DMD: variants seen among roughly 807,000 people sequenced by gnomAD.
The protein encoded by DMD is dystrophin.
In DMD, 63 loss-of-function variants were observed where a neutral mutation model predicts 330.1. The ratio of observed to expected loss-of-function variants is 0.19; its 90% confidence interval spans 0.16 to 0.24. DMD has a LOEUF of 0.24. Ranked by LOEUF, DMD falls within the 10% of genes least tolerant of loss-of-function variation. The pLI, the probability that DMD is intolerant of heterozygous loss-of-function variation, is 1.00. For synonymous variants in DMD, 1,223 were observed against 959.8 expected (o/e 1.27, Z -5.07); for missense variants, 3,344 against 2,684.1 (o/e 1.25, Z -5.43).
chrX:32,993,375 G>A (rs909164039), intron 2 of DMD, among the ~76,000 whole-genome samples: 3 of 110,608 alleles, frequency 2.7e-5, no homozygotes, highest in African/African-American at 9.8e-5. Context: ...AGGCTGAGGC[G>A]GGCGGACTGC....
At chrX:33,210,846 T>C (rs1261259666) in intron 1 of DMD, among the ~76,000 whole-genome samples, 1 of 111,740 alleles carries the variant, frequency 8.9e-6, no homozygotes, top group African/African-American at 3.2e-5. Context: ...TCCATGTAGT[T>C]CCTATACAGT....
At chrX:31,744,305 C>T (rs1014342169) in intron 51 of DMD, among the ~76,000 whole-genome samples, 6 of 111,327 alleles carry the variant, frequency 5.4e-5, no homozygotes, top group African/African-American at 1.3e-4. Context: ...ATTACCAAAA[C>T]GTGACACAGA....
intron 42 of DMD, among the ~76,000 whole-genome samples, chrX:32,301,423 G>T (rs904007611): frequency 2.7e-5 from 3 of 109,329 alleles, no homozygotes; most frequent in Non-Finnish European, 3.8e-5. Context: ...ACAACAGAAA[G>T]TTCTTGTTTT....
rs895167746 is a variant in DMD at position 32,381,226 on chromosome X, G to A, written c.4675-546C>T. ...CTCACATCTGCTCAAAAACAATACA[G>A]TGAATAGGTCACTTCCTCCTTAAAC... On this transcript the variant is annotated intron_variant, in intron 33 of 78. Transcript: ENST00000357033. 3.6e-5 allele frequency among the ~76,000 whole-genome samples: 4 copies of A among 111,499 alleles called. No homozygotes were observed. The East Asian group carries it at 1.1e-3, about 31-fold the overall frequency.
chrX:31,724,606 G>C (rs894237255), intron 52 of DMD, among the ~76,000 whole-genome samples: 1 of 111,545 alleles, frequency 9.0e-6, no homozygotes. Context: ...TTGGAATTCT[G>C]TTTCAGAAGT....
At chrX:32,660,414 G>C (rs1046646285) in intron 9 of DMD, among the ~76,000 whole-genome samples, 2 of 111,160 alleles carry the variant, frequency 1.8e-5, no homozygotes, top group Admixed American at 9.6e-5. Flanking sequence ...GGTGAACATA[G>C]AAAGTAAACG....
intron 55 of DMD, among the ~76,000 whole-genome samples, chrX:31,580,190 G>A (rs1450653979): frequency 1.8e-5 from 2 of 112,277 alleles, no homozygotes; most frequent in African/African-American, 3.2e-5. Context: ...CATATTCACA[G>A]GTTCTGGGGA....
At chrX:32,278,741 A>G (rs1227539337) in intron 43 of DMD, among the ~76,000 whole-genome samples, 1 of 112,232 alleles carries the variant, frequency 8.9e-6, no homozygotes, top group Admixed American at 9.5e-5. Context: ...GAAACTCTCC[A>G]GGATATCTGT....
At chrX:32,637,497 G>A (rs974095194) in intron 11 of DMD, among the ~76,000 whole-genome samples, 10 of 111,652 alleles carry the variant, frequency 9.0e-5, no homozygotes, top group East Asian at 2.8e-4. Flanking sequence ...TCACTTCCAC[G>A]TGTTCGGGTA....
At chrX:33,316,510 G>A (rs1473559119) in intron 1 of DMD, among the ~76,000 whole-genome samples, 2 of 111,356 alleles carry the variant, frequency 1.8e-5, no homozygotes, top group Non-Finnish European at 3.8e-5. Flanking sequence ...AAAGTATGAG[G>A]TGTTCAGGTC....
intron 60 of DMD, among the ~76,000 whole-genome samples, chrX:31,410,944 T>TTC (rs1384974723): frequency 3.0e-3 from 291 of 98,177 alleles, no homozygotes; most frequent in African/African-American, 7.5e-3. Context: ...TTTTTTTTTT[T>TTC]CAGTAGAGAC....
At chrX:33,038,967 C>G (rs927148747) in intron 1 of DMD, among the ~76,000 whole-genome samples, 1 of 111,197 alleles carries the variant, frequency 9.0e-6, no homozygotes, top group Admixed American at 9.5e-5. Flanking sequence ...GCACTCCAGC[C>G]TGGGTGACAG....
intron 7 of DMD, among the ~76,000 whole-genome samples, chrX:32,705,343 C>G (rs1326961267): frequency 8.9e-6 from 1 of 111,870 alleles, no homozygotes; most frequent in East Asian, 2.8e-4. Flanking sequence ...AAATAATTTG[C>G]GTTGATGAAG....
intron 54 of DMD, among the ~76,000 whole-genome samples, chrX:31,652,895 C>T (rs889884140): frequency 9.1e-5 from 10 of 110,138 alleles, no homozygotes; most frequent in Non-Finnish European, 1.9e-4. Context: ...GCAAGTACAG[C>T]TGGATAGAAA....
At chrX:31,848,099 T>C (rs1191923982) in intron 48 of DMD, among the ~76,000 whole-genome samples, 1 of 111,936 alleles carries the variant, frequency 8.9e-6, no homozygotes, top group Non-Finnish European at 1.9e-5. Context: ...CTTTCCAAAA[T>C]TGACGTTTCT....
In DMD at chrX:32,346,041, T is replaced by G; in HGVS notation, c.5488A>C (p.Arg1830=). 8.3e-7 allele frequency: 1 copy of G among 1,209,534 alleles called. No homozygotes were observed. ...ATTCTTTGTTGTAAGTTGTCTCCTCTTTGCAACAATTCTTTTACAGTACCC... is the reference window on the plus strand; with the variant it reads ...ATTCTTTGTTGTAAGTTGTCTCCTCGTTGCAACAATTCTTTTACAGTACCC... ...NEGTVKELLQ[R]GDNLQQRITD... The change falls in exon 39 of 79, where the codon AGA becomes CGA. Residue 1830 remains arginine (R), a synonymous_variant. Coordinates refer to ENST00000357033, the MANE Select transcript of DMD (RefSeq NM_004006.3).
chrX:33,197,218 T>C (rs1432368308), intron 1 of DMD, among the ~76,000 whole-genome samples: 1 of 111,761 alleles, frequency 8.9e-6, no homozygotes, highest in East Asian at 2.8e-4. Flanking sequence ...TTATTAAAGG[T>C]CTAATGCTGT....
chrX:31,311,587 C>T (rs907540783), intron 62 of DMD, among the ~76,000 whole-genome samples: 1 of 111,341 alleles, frequency 9.0e-6, no homozygotes, highest in Non-Finnish European at 1.9e-5. Flanking sequence ...GGTGTGATGC[C>T]TCTAGCTTTG....
chrX:31,619,946 T>C, intron 55 of DMD, among the ~76,000 whole-genome samples: 1 of 112,225 alleles, frequency 8.9e-6, no homozygotes, highest in Admixed American at 9.4e-5. Flanking sequence ...ATTCTAATTT[T>C]CTGCATTCAG....
Sources: gnomAD v4.1 joint callset for allele counts (sites outside exome capture counted in the v4.1 genomes callset) on GRCh38, gnomAD v4.1.1 for gene constraint, MANE v1.5 for transcripts, NCBI Gene and HGNC (gene_info 2026-07-23, HGNC 2026-07-21) for gene names.